AKAP13: variants seen among roughly 807,000 people sequenced by gnomAD.
AKAP13 encodes the protein A-kinase anchoring protein 13, also known as A-kinase anchor protein 13.
In AKAP13, 80 loss-of-function variants were observed where a neutral mutation model predicts 264.5. The ratio of observed to expected loss-of-function variants is 0.30; its 90% CI spans 0.25 to 0.36. The LOEUF (loss-of-function observed/expected upper bound fraction) is 0.36. Among genes scored for constraint, AKAP13 ranks in the 10% least tolerant of loss-of-function variants. AKAP13 has a pLI of 1.00. For missense variants in AKAP13, 3,712 were observed against 3,435.2 expected (o/e 1.08, Z -2.01); for synonymous variants, 1,380 against 1,250.2 (o/e 1.10, Z -2.19).
At chr15:85,647,651 A>G (rs2082616027) in intron 10 of AKAP13, among the ~76,000 whole-genome samples, 1 of 151,796 alleles carries the variant, frequency 6.6e-6, no homozygotes, top group South Asian at 2.1e-4. Flanking sequence ...TGAAGTAAAA[A>G]CTCCACATTT....
intron 6 of AKAP13, among the ~76,000 whole-genome samples, chr15:85,576,961 C>T (rs943365844): frequency 3.3e-5 from 5 of 152,278 alleles, no homozygotes; most frequent in East Asian, 3.9e-4. Context: ...CTACTTGTTT[C>T]GCCAGATTTC....
intron 5 of AKAP13, among the ~76,000 whole-genome samples, chr15:85,567,355 C>T (rs1481573302): frequency 1.3e-5 from 2 of 151,906 alleles, no homozygotes; most frequent in East Asian, 1.9e-4. Flanking sequence ...ATCCACCCAC[C>T]TCGGCCTCCC....
In AKAP13 at chr15:85,718,196, T is replaced by A; in HGVS notation, c.6001+37T>A. ...CATTTTGCTCTGATTATATTTGATTTCCATTGTCCAGCATTTTTAAGCAGT... is the reference window on the plus strand; with the variant it reads ...CATTTTGCTCTGATTATATTTGATTACCATTGTCCAGCATTTTTAAGCAGT... On this transcript the variant is annotated intron_variant, in intron 22 of 36. Coordinates refer to ENST00000394518, the MANE Select transcript of AKAP13 (RefSeq NM_007200.5). This position sits in a 1 kb window ranked among gnomAD's most constrained non-coding sequence, Gnocchi z 4.9. 1 of 1,602,708 alleles carries A rather than the reference T, an allele frequency of 6.2e-7. No individual in the cohort carries two copies. Among genetic ancestry groups the A allele is most frequent in the Non-Finnish European group, 8.5e-7 (1 of 1,171,674 alleles).
At chr15:85,530,498 A>T (rs535367730) in intron 3 of AKAP13, among the ~76,000 whole-genome samples, 1 of 152,366 alleles carries the variant, frequency 6.6e-6, no homozygotes, top group East Asian at 1.9e-4. Context: ...TCTGTTTTAC[A>T]TAGTGTAATC....
chr15:85,579,477 C>T lies in AKAP13; in HGVS notation c.1409C>T (p.Thr470Ile). 2 of 1,614,162 alleles carry T rather than the reference C, an allele frequency of 1.2e-6. No individual in the cohort carries two copies. Among genetic ancestry groups the T allele is most frequent in the Non-Finnish European group, 1.7e-6 (2 of 1,180,016 alleles). ...GGAGGTGAACTGGGAGGCATTTCAA[C>T]AACAAATGTCAGTACCCCAGACACT... The part of the protein sequence containing the change: ...SSGGELGGIS[T>I]TNVSTPDTAG... Residue 470 changes from threonine to isoleucine, a missense_variant, in exon 7 of 37, where the codon ACA becomes ATA. Transcript: ENST00000394518.
At chr15:85,695,425 C>T (rs1442896091) in intron 17 of AKAP13, among the ~76,000 whole-genome samples, 2 of 152,070 alleles carry the variant, frequency 1.3e-5, no homozygotes, top group South Asian at 2.1e-4. Flanking sequence ...CACAAAAAAA[C>T]GTGTATTTGG....
chr15:85,440,110 A>G (rs1052853363), intron 1 of AKAP13, among the ~76,000 whole-genome samples: 16 of 152,154 alleles, frequency 1.1e-4, no homozygotes, highest in African/African-American at 3.9e-4. Flanking sequence ...CCCACCCTTT[A>G]TGTATTTAGC....
At chr15:85,707,918 T>G in intron 17 of AKAP13, 101 bp from the exon 18 acceptor site, 1 of 1,142,478 alleles carries the variant, frequency 8.8e-7, no homozygotes, top group East Asian at 2.4e-5. Flanking sequence ...TGTGAGTGAC[T>G]TCACTTTGAA....
rs775943068 is a variant in AKAP13 at position 85,655,578 on chromosome 15, C to T, written c.4536C>T (p.Tyr1512=). ...SRDRQSLDGF[Y]SHGMGAEGRE... ...ATCGGCAAAGCCTTGATGGATTCTA[C>T]AGCCATGGGATGGGAGCTGAGGGTC... is the stretch of plus-strand genomic sequence containing the variant. Residue 1512 remains tyrosine, a synonymous_variant, in exon 11 of 37, where the codon TAC becomes TAT. Coordinates refer to ENST00000394518, the MANE Select transcript of AKAP13 (RefSeq NM_007200.5). The T allele has an allele frequency of 1.2e-6, 2 of 1,614,106 alleles. No individual in the cohort carries two copies. The highest frequency in any genetic ancestry group is 1.7e-5 in the Admixed American group (1 of 60,006).
At chr15:85,553,539 A>G (rs1020495823) in intron 5 of AKAP13, among the ~76,000 whole-genome samples, 2 of 152,168 alleles carry the variant, frequency 1.3e-5, no homozygotes, top group Admixed American at 1.3e-4. Flanking sequence ...AAAACTCTTT[A>G]GTTGTTTTTG....
At chr15:85,427,890 TAG>T (rs1003434727) in intron 1 of AKAP13, among the ~76,000 whole-genome samples, 9 of 152,204 alleles carry the variant, frequency 5.9e-5, no homozygotes, top group Non-Finnish European at 1.0e-4. Flanking sequence ...GGTAGCCTGT[TAG>T]AGAAGGCAAC....
At position 85,747,498 on chromosome 15, in the gene AKAP13, T is replaced by TG. The variant is rs1461546770; in HGVS notation, c.*2826dup. 1 of 152,612 alleles carries TG rather than the reference T, an allele frequency of 6.6e-6. No individual in the cohort carries two copies. The highest frequency in any genetic ancestry group is 2.4e-5 in the African/African-American group (1 of 41,434). The allele number at this position is 152,612 out of a possible 1,614,324, so 9.5% of individuals were successfully genotyped here. On this transcript the variant is annotated 3_prime_UTR_variant, in exon 37 of 37. Transcript: ENST00000394518. ...CGTGCCTGAAACTGTGCTTAAGTTT[T>TG]GGGGGAAAGATGGAGTTCCTATCCA...
At chr15:85,587,655 T>G (rs1483684807) in intron 8 of AKAP13, among the ~76,000 whole-genome samples, 1 of 152,182 alleles carries the variant, frequency 6.6e-6, no homozygotes, top group Non-Finnish European at 1.5e-5. Flanking sequence ...TTATTTTATT[T>G]TTTATTTTTT....
chr15:85,619,265 A>G, intron 8 of AKAP13: 1 of 664,384 alleles, frequency 1.5e-6, no homozygotes, highest in Non-Finnish European at 1.9e-6. Context: ...TCAAACCTCC[A>G]AGGCTGCGGG....
chr15:85,655,812 G>C (rs557188510), intron 11 of AKAP13, 25 bp downstream of exon 11: 2 of 1,576,042 alleles, frequency 1.3e-6, no homozygotes, highest in African/African-American at 1.4e-5. Context: ...GGTTTGTTTA[G>C]TGTCTCAGTG....
chr15:85,707,885 G>A, intron 17 of AKAP13, 134 bp from the exon 18 acceptor site: 8 of 783,876 alleles, frequency 1.0e-5, no homozygotes, highest in Middle Eastern at 3.6e-4. Flanking sequence ...ACTGCAGTGT[G>A]TAATTTCAGT....
At chr15:85,628,372 G>A (rs1013598724) in intron 8 of AKAP13, among the ~76,000 whole-genome samples, 1 of 152,142 alleles carries the variant, frequency 6.6e-6, no homozygotes, top group African/African-American at 2.4e-5. Context: ...GTGTGTAGCT[G>A]ACAGCAAGAT....
intron 8 of AKAP13, chr15:85,627,436 C>A (rs918276737): frequency 2.0e-5 from 3 of 152,256 alleles, no homozygotes; most frequent in African/African-American, 7.2e-5. Flanking sequence ...CTAGACTAGA[C>A]TAGTTCAGGC....
At chr15:85,408,151 T>C (rs970578387) in intron 1 of AKAP13, among the ~76,000 whole-genome samples, 1 of 151,662 alleles carries the variant, frequency 6.6e-6, no homozygotes, top group Non-Finnish European at 1.5e-5. Context: ...TGGTAATGTT[T>C]ACATTTGGCT....
Sources: gnomAD v4.1 joint callset for allele counts (sites outside exome capture counted in the v4.1 genomes callset) on GRCh38, gnomAD v4.1.1 for gene constraint, Gnocchi (gnomAD v3.1) non-coding constraint, MANE v1.5 for transcripts, NCBI Gene and HGNC (gene_info 2026-07-23, HGNC 2026-07-21) for gene names.